FHL1: variants seen among roughly 807,000 people sequenced by gnomAD.
The protein encoded by FHL1 is four and a half LIM domains 1.
Under a neutral mutation model 20.3 loss-of-function variants are expected in FHL1, and 1 was observed. The ratio of observed to expected loss-of-function variants is 0.05; its 90% confidence interval spans 0.02 to 0.23. The LOEUF (loss-of-function observed/expected upper bound fraction) is 0.23, where lower values mean the gene tolerates loss of function less well. Ranked by LOEUF, FHL1 falls within the 10% of genes least tolerant of loss-of-function variation. The probability of loss-of-function intolerance (pLI) is 1.00; values close to 1 mark genes in which losing one functional copy is unlikely to be tolerated. For missense variants in FHL1, 177 were observed against 234.0 expected, an observed-to-expected ratio of 0.76 and a Z score of 1.59; for synonymous variants, 82 against 88.9, an observed-to-expected ratio of 0.92 and a Z score of 0.44.
At position 136,207,957 on chromosome X, in the gene FHL1, A is replaced by C. The variant is rs1569530504; in HGVS notation, c.545A>C (p.Asn182Thr). Reference sequence around the variant, plus strand: ...TTTGCCAAGCATTGCGTGAAGTGCAACAAGGTATGCTTTCAAGGGAGTTCT... The same window carrying C: ...TTTGCCAAGCATTGCGTGAAGTGCACCAAGGTATGCTTTCAAGGGAGTTCT... ...TKFAKHCVKC[N>T]KAITSGGITY... Residue 182 changes from asparagine (N) to threonine (T), a missense_variant, in exon 4 of 6, where the codon AAC becomes ACC. Physicochemically the swap from Asn to Thr is moderately conservative, Grantham distance 65. Transcript: ENST00000370683. The C allele has an allele frequency of 8.2e-7, 1 of 1,212,311 alleles. No individual in the cohort carries two copies.
At chrX:136,177,059 G>A (rs1264489087) in intron 2 of FHL1, among the ~76,000 whole-genome samples, 1 of 44,474 alleles carries the variant, frequency 2.2e-5, no homozygotes, top group Non-Finnish European at 6.8e-5. Context: ...ATGTCTCAAG[G>A]AAATACTTTT....
At chrX:136,166,207 A>G (rs1333422525), upstream of FHL1, among the ~76,000 whole-genome samples, 1 of 111,794 alleles carries the variant, frequency 8.9e-6, no homozygotes, top group Non-Finnish European at 1.9e-5. Context: ...GCTAGTACAG[A>G]TGATAAAGTG....
upstream of FHL1, among the ~76,000 whole-genome samples, chrX:136,166,696 A>G (rs755697955): frequency 3.4e-4 from 38 of 112,479 alleles, no homozygotes; most frequent in African/African-American, 1.2e-3. Flanking sequence ...GAAATATGAT[A>G]AGACTAGTGT....
At chrX:136,207,662 T>G in intron 3 of FHL1, 130 bp from the exon 4 acceptor site, 1 of 681,208 alleles carries the variant, frequency 1.5e-6, no homozygotes, top group Non-Finnish European at 2.3e-6. Context: ...GTAGGTTAGT[T>G]GGAGGTGTGA....
chrX:136,155,291 T>C (rs2072383781), intron 1 of FHL1, among the ~76,000 whole-genome samples: 1 of 112,041 alleles, frequency 8.9e-6, no homozygotes, highest in South Asian at 3.7e-4. Flanking sequence ...AGGGCTGTTT[T>C]TCAGCTTAGG....
intron 2 of FHL1, among the ~76,000 whole-genome samples, chrX:136,188,147 C>T (rs1254905075): frequency 1.8e-5 from 2 of 112,237 alleles, no homozygotes; most frequent in Non-Finnish European, 3.8e-5. Flanking sequence ...TCTTTAGCTA[C>T]CTTCACTCAC....
chrX:136,189,016 T>C (rs892702827), intron 2 of FHL1, among the ~76,000 whole-genome samples: 1 of 112,186 alleles, frequency 8.9e-6, no homozygotes, highest in African/African-American at 3.2e-5. Context: ...CTCTTTTCAT[T>C]GTTGGCCTTT....
At position 136,210,465 on chromosome X, in the gene FHL1, C is replaced by CT. The variant is rs753185234; in HGVS notation, c.*442dup. 2.1e-3 allele frequency: 820 copies of CT among 391,293 alleles called. 3 individuals carry two copies. Among genetic ancestry groups the CT allele is most frequent in the Non-Finnish European group, 2.4e-3 (500 of 208,922 alleles). 32.2% of individuals were successfully genotyped at this position (391,293 alleles called of 1,213,427 possible). A position where few individuals can be genotyped will look rare whatever the true frequency, so the allele number is the denominator to read the frequency against. On this transcript the variant is annotated 3_prime_UTR_variant, in exon 6 of 6. Transcript: ENST00000370683. ...GCTGCTCCAACTCACTGCTCACCCT[C>CT]TTCTGTGAGCAGGAAAAGAACCCTA... is the stretch of plus-strand genomic sequence containing the variant.
At position 136,149,292 on chromosome X, in the gene FHL1, A is replaced by G. The variant is rs1309496182; in HGVS notation, c.-101+1664A>G. The stretch of plus-strand genomic sequence containing the variant: ...CACTGAAGAAGCAAGAGCTTCTGGG[A>G]TGGTAGCTTTGCCTTTACAAACTCA... On this transcript the variant is annotated intron_variant, in intron 1 of 7. Transcript: ENST00000394155. 8.4e-4 allele frequency among the ~76,000 whole-genome samples: 94 copies of G among 112,238 alleles called. 1 individual carries two copies. Among genetic ancestry groups the G allele is most frequent in the Non-Finnish European group, 7.5e-5 (4 of 53,273 alleles).
At chrX:136,200,405 T>TC (rs2073678450) in intron 1 of FHL1, among the ~76,000 whole-genome samples, 1 of 111,876 alleles carries the variant, frequency 8.9e-6, no homozygotes, top group Non-Finnish European at 1.9e-5. Context: ...TGCATTAGGT[T>TC]CATAAGTCCA....
At chrX:136,187,344 C>CA (rs1008215185) in intron 2 of FHL1, among the ~76,000 whole-genome samples, 5 of 108,763 alleles carry the variant, frequency 4.6e-5, no homozygotes, top group East Asian at 2.9e-4. Flanking sequence ...TAAACCCATG[C>CA]AAAAAAAAGA....
chrX:136,165,850 A>G (rs2072695723), upstream of FHL1, among the ~76,000 whole-genome samples: 1 of 112,105 alleles, frequency 8.9e-6, no homozygotes, highest in Non-Finnish European at 1.9e-5. Flanking sequence ...TATGTGTTAA[A>G]TGTCACTAAA....
chrX:136,184,373 C>A (rs2073236270), intron 2 of FHL1, among the ~76,000 whole-genome samples: 1 of 111,538 alleles, frequency 9.0e-6, no homozygotes, highest in Non-Finnish European at 1.9e-5. Context: ...ACTAAAAATA[C>A]CCCGTACAAA....
At chrX:136,181,433 T>G (rs770939707) in intron 2 of FHL1, among the ~76,000 whole-genome samples, 29 of 112,136 alleles carry the variant, frequency 2.6e-4, no homozygotes, top group Non-Finnish European at 4.5e-4. Flanking sequence ...TAGGGAACCT[T>G]CAAAAAGGTC....
chrX:136,152,225 A>G (rs994359107), intron 1 of FHL1, among the ~76,000 whole-genome samples: 2 of 111,764 alleles, frequency 1.8e-5, no homozygotes, highest in Non-Finnish European at 3.8e-5. Context: ...TCTCAGAGCA[A>G]CTCTGCAGTT....
Position 136,210,036 on chromosome X carries a change from G to C in FHL1, c.*11G>C. 8.3e-7 allele frequency: 1 copy of C among 1,210,978 alleles called. No homozygotes were observed. The highest frequency in any genetic ancestry group is 2.2e-5 in the Admixed American group (1 of 45,943). ...GCCAAAAAGCTGTAAACTGACAGGG[G>C]CTCCTGTCCTGTAAAATGGCATTTG... is the stretch of plus-strand genomic sequence containing the variant. On this transcript the variant is annotated 3_prime_UTR_variant, in exon 6 of 6. Coordinates refer to ENST00000370683, the MANE Select transcript of FHL1 (RefSeq NM_001159699.2).
chrX:136,180,694 T>G (rs1407374078), intron 2 of FHL1, among the ~76,000 whole-genome samples: 1 of 112,543 alleles, frequency 8.9e-6, no homozygotes, highest in Non-Finnish European at 1.9e-5. Flanking sequence ...TTATAGAAAA[T>G]TTTATCATCC....
chrX:136,189,483 A>G (rs2073384534), intron 2 of FHL1, among the ~76,000 whole-genome samples: 1 of 111,375 alleles, frequency 9.0e-6, no homozygotes, highest in Admixed American at 9.6e-5. Context: ...TCTCTTTTCC[A>G]CATATTCCCT....
chrX:136,176,842 C>A (rs2073015004), intron 2 of FHL1, among the ~76,000 whole-genome samples: 1 of 110,723 alleles, frequency 9.0e-6, no homozygotes, highest in African/African-American at 3.3e-5. Flanking sequence ...CTTTTCCCAG[C>A]CTCTGATTTA....
Sources: allele counts gnomAD v4.1 joint callset (sites outside exome capture counted in the v4.1 genomes callset), GRCh38; gene constraint gnomAD v4.1.1; transcripts MANE v1.5; gene names NCBI Gene and HGNC (gene_info 2026-07-23, HGNC 2026-07-21).